The following PHACTR3 variants were observed in gnomAD, a reference collection of about 807,000 sequenced individuals.
PHACTR3 encodes the protein protein phosphatase 1, regulatory subunit 123.
In PHACTR3, 16 loss-of-function variants were observed where a neutral mutation model predicts 66.8. That is an observed-to-expected ratio of 0.24 (90% CI 0.16 to 0.36). PHACTR3 has a LOEUF of 0.36. Among genes scored for constraint, PHACTR3 ranks in the 10% least tolerant of loss-of-function variants. The probability of loss-of-function intolerance (pLI) is 1.00; values close to 1 mark genes in which losing one functional copy is unlikely to be tolerated. For missense variants in PHACTR3, 647 were observed against 719.9 expected (o/e 0.90, Z 1.16); for synonymous variants, 323 against 292.1 (o/e 1.11, Z -1.08).
rs540118208 is a variant in PHACTR3 at position 59,758,287 on chromosome 20, CATT to C, written c.541+2925_541+2927del. ...TCAATTAATAATGAAAAAGTTTAAA[CATT>C]AATAATGAAAATACTTTTCAGTAAT... On this transcript the variant is annotated intron_variant, in intron 4 of 12. Transcript: ENST00000371015. 2.4e-3 allele frequency among the ~76,000 whole-genome samples: 358 copies of C among 152,264 alleles called. 1 individual carries two copies. The highest frequency in any genetic ancestry group is 7.8e-3 in the African/African-American group (322 of 41,542).
chr20:59,813,877 C>A (rs58177185), intron 8 of PHACTR3, among the ~76,000 whole-genome samples: 1 of 152,218 alleles, frequency 6.6e-6, no homozygotes, highest in Non-Finnish European at 1.5e-5. Context: ...ACCTTCCTGA[C>A]CATCTCCCAG....
intron 4 of PHACTR3, among the ~76,000 whole-genome samples, chr20:59,761,367 G>A (rs1355633642): frequency 6.6e-6 from 1 of 152,142 alleles, no homozygotes; most frequent in Non-Finnish European, 1.5e-5. Flanking sequence ...TCTGGGAGTT[G>A]GTGAGCCACC....
intron 7 of PHACTR3, among the ~76,000 whole-genome samples, chr20:59,784,621 ACT>A (rs1175758592): frequency 6.6e-6 from 1 of 152,064 alleles, no homozygotes; most frequent in Non-Finnish European, 1.5e-5. Context: ...AGACCTAGGG[ACT>A]GGCCAGGGAG....
chr20:59,783,368 G>C (rs59094124), intron 7 of PHACTR3, among the ~76,000 whole-genome samples: 197 of 152,320 alleles, frequency 1.3e-3, no homozygotes, highest in African/African-American at 4.5e-3. Flanking sequence ...AAGCAGCAGA[G>C]CTCTCAGAGT....
At chr20:59,842,272 A>C (rs1416387) in intron 11 of PHACTR3, among the ~76,000 whole-genome samples, 1,844 of 152,350 alleles carry the variant, frequency 0.012, 35 homozygotes, top group African/African-American at 0.032. Flanking sequence ...ATTAATTTTC[A>C]GAAGACTTAA....
At chr20:59,740,655 A>T (rs566693255) in intron 1 of PHACTR3, among the ~76,000 whole-genome samples, 72 of 150,582 alleles carry the variant, frequency 4.8e-4, no homozygotes, top group African/African-American at 1.6e-3. Flanking sequence ...AGGGATGATT[A>T]TCATGGCATC....
At chr20:59,585,328 C>T (rs148214976) in intron 1 of PHACTR3, among the ~76,000 whole-genome samples, 26 of 152,202 alleles carry the variant, frequency 1.7e-4, no homozygotes, top group African/African-American at 6.3e-4. Context: ...TGGGGAAAAT[C>T]CCCCAAAATG....
intron 5 of PHACTR3, among the ~76,000 whole-genome samples, chr20:59,769,289 T>C (rs184657363): frequency 1.3e-3 from 205 of 152,332 alleles, no homozygotes; most frequent in Non-Finnish European, 2.3e-3. Context: ...CATGACCTTG[T>C]TTGGAATAAG....
At chr20:59,816,766 G>C (rs752839194) in intron 8 of PHACTR3, among the ~76,000 whole-genome samples, 85 of 152,310 alleles carry the variant, frequency 5.6e-4, no homozygotes, top group Non-Finnish European at 6.6e-4. Flanking sequence ...TGGGTGGTTG[G>C]GTAGTTAGAT....
chr20:59,798,669 CTT>C (rs1167333264), intron 7 of PHACTR3, among the ~76,000 whole-genome samples: 1 of 151,982 alleles, frequency 6.6e-6, no homozygotes, highest in African/African-American at 2.4e-5. Context: ...TTTTTTATAT[CTT>C]CTTAACATCT....
chr20:59,591,875 G>A (rs938148253), intron 1 of PHACTR3, among the ~76,000 whole-genome samples: 2 of 152,122 alleles, frequency 1.3e-5, no homozygotes. Flanking sequence ...GAATACAGTA[G>A]GATGTAAGGC....
At chr20:59,597,572 T>C (rs1292061726) in intron 1 of PHACTR3, among the ~76,000 whole-genome samples, 2 of 152,252 alleles carry the variant, frequency 1.3e-5, no homozygotes, top group Admixed American at 6.5e-5. Flanking sequence ...ATCACAGTTC[T>C]ACCTGATTTG....
upstream of PHACTR3, chr20:59,604,094 C>CGAGG (rs1430611198): frequency 2.6e-5 from 4 of 152,766 alleles, no homozygotes; most frequent in Admixed American, 1.3e-4. Flanking sequence ...GGGTTCGGAG[C>CGAGG]GAGGGTTCGG....
chr20:59,806,372 G>A (rs1393360291), intron 8 of PHACTR3, among the ~76,000 whole-genome samples, 178 bp downstream of exon 8: 5 of 152,222 alleles, frequency 3.3e-5, no homozygotes, highest in Non-Finnish European at 5.9e-5. Flanking sequence ...TTCCTGTGGG[G>A]GCTGTCCCGT....
intron 1 of PHACTR3, among the ~76,000 whole-genome samples, chr20:59,670,605 T>TTGCG (rs34824435): frequency 4.2e-5 from 2 of 47,168 alleles, no homozygotes; most frequent in South Asian, 9.7e-4. Flanking sequence ...CTGCCGGGGG[T>TTGCG]GGGGGGGGGG....
chr20:59,712,094 T>C (rs1358007163), intron 1 of PHACTR3, among the ~76,000 whole-genome samples: 3 of 152,228 alleles, frequency 2.0e-5, no homozygotes, highest in African/African-American at 7.2e-5. Flanking sequence ...CTAGCCATTC[T>C]TTTGTTCTTG....
chr20:59,589,144 C>T (rs2033119684), intron 1 of PHACTR3, among the ~76,000 whole-genome samples: 1 of 152,234 alleles, frequency 6.6e-6, no homozygotes, highest in African/African-American at 2.4e-5. Context: ...ATCTTTGTTA[C>T]ACCCCAAGTT....
rs1285480192 is a variant in PHACTR3, at chr20:59,774,293, G to A, written c.977G>A (p.Arg326His). Residue 326 changes from arginine to histidine, a missense_variant, in exon 7 of 13, where the codon CGT becomes CAT. This residue lies in a region of PHACTR3 where 577 missense variants were observed against 571.1 expected (regional missense o/e 1.01). Coordinates refer to ENST00000371015, the MANE Select transcript of PHACTR3 (RefSeq NM_080672.5). ...TCTCCAAAGAAGCGGCTGGATGTCCGTCTGTCGAGAACGTCCAGCGTGGAG... is the reference window on the plus strand; with the variant it reads ...TCTCCAAAGAAGCGGCTGGATGTCCATCTGTCGAGAACGTCCAGCGTGGAG... ...KGSPKKRLDV[R>H]LSRTSSVERG... 16 of 1,610,472 alleles carry A rather than the reference G, an allele frequency of 9.9e-6. No homozygotes were observed. The highest frequency in any genetic ancestry group is 1.7e-4 in the Middle Eastern group (1 of 6,042).
chr20:59,708,273 T>A (rs762276429), intron 1 of PHACTR3, among the ~76,000 whole-genome samples: 2 of 152,186 alleles, frequency 1.3e-5, no homozygotes, highest in Non-Finnish European at 2.9e-5. Context: ...CTCACAACCA[T>A]GGTGCCTGTG....
Sources: allele counts gnomAD v4.1 joint callset (sites outside exome capture counted in the v4.1 genomes callset), GRCh38; gene constraint gnomAD v4.1.1; regional missense constraint gnomAD v4.1.1; transcripts MANE v1.5; gene names NCBI Gene and HGNC (gene_info 2026-07-23, HGNC 2026-07-21).